Variants in PANK2 observed in about 807,000 individuals in gnomAD.
PANK2 encodes the protein pantothenate kinase 2, mitochondrial.
In PANK2, 36 loss-of-function variants were observed where a neutral mutation model predicts 43.1. The observed-to-expected ratio is 0.84, with a 90% CI of 0.64 to 1.10. PANK2 has a LOEUF of 1.10. PANK2 is among the 50% of genes least tolerant of loss of function. PANK2 has a pLI of 0.00. For synonymous variants in PANK2, 281 were observed against 238.2 expected, an observed-to-expected ratio of 1.18 and a Z score of -1.66; for missense variants, 576 against 593.3, an observed-to-expected ratio of 0.97 and a Z score of 0.30.
At chr20:3,908,615 A>C (rs2090424258) in intron 2 of PANK2, 1 of 256,684 alleles carries the variant, frequency 3.9e-6, no homozygotes. Context: ...AAATCATTTC[A>C]TGTCATAAAA....
At chr20:3,913,773 C>T (rs866141115) in intron 4 of PANK2, among the ~76,000 whole-genome samples, 11 of 102,870 alleles carry the variant, frequency 1.1e-4, no homozygotes, top group South Asian at 8.3e-4. Context: ...CACACACACA[C>T]ACATATATAT....
chr20:3,898,345 G>A (rs1430840988), intron 1 of PANK2, among the ~76,000 whole-genome samples: 1 of 151,950 alleles, frequency 6.6e-6, no homozygotes, highest in Non-Finnish European at 1.5e-5. Context: ...GATTACAGGC[G>A]CCCACCACCA....
At chr20:3,888,954 G>T, upstream of PANK2, 1 of 613,742 alleles carries the variant, frequency 1.6e-6, no homozygotes, top group Admixed American at 3.1e-5. Context: ...GCGGCCAGAC[G>T]CTGCGGGAGC....
chr20:3,898,799 T>A (rs1373619486), intron 1 of PANK2, among the ~76,000 whole-genome samples: 1 of 152,002 alleles, frequency 6.6e-6, no homozygotes, highest in Non-Finnish European at 1.5e-5. Context: ...TTTTTGTGAG[T>A]GCTTTATGGG....
Position 3,917,365 on chromosome 20 carries a change from A to G in PANK2, c.1206+315A>G, listed in dbSNP as rs2090578489. On this transcript the variant is annotated intron_variant, in intron 5 of 6. Coordinates refer to ENST00000610179, the MANE Select transcript of PANK2 (RefSeq NM_001386393.1). ...TGATGGATAACGATGCTGAATGTAG[A>G]CTCCACACTCACTGCTGAGCTCTAG... 6.0e-6 allele frequency: 3 copies of G among 499,188 alleles called. No individual in the cohort carries two copies. In the Admixed American group the frequency reaches 6.5e-5, roughly 11 times the overall value. 30.9% of individuals were successfully genotyped at this position (499,188 alleles called of 1,614,324 possible).
rs1168477276 is a variant in PANK2, at chr20:3,908,011, A to G, written c.384A>G (p.Glu128=). Residue 128 remains glutamate (E), a synonymous_variant, in exon 2 of 7, where the codon GAA becomes GAG. Transcript: ENST00000610179. ...CCAAAGACATCACTGCTGAAGAAGA[A>G]GAGGAAGAAGTGGAAAGTCTTAAAA... 2.5e-5 allele frequency: 41 copies of G among 1,614,058 alleles called. No homozygotes were observed. The highest frequency in any genetic ancestry group is 3.3e-4 in the Middle Eastern group (2 of 6,084).
At chr20:3,904,966 G>A (rs931115347) in intron 1 of PANK2, among the ~76,000 whole-genome samples, 1 of 152,122 alleles carries the variant, frequency 6.6e-6, no homozygotes, top group Non-Finnish European at 1.5e-5. Context: ...TGAGATACGT[G>A]GCAAAATATG....
At chr20:3,919,161 C>T (rs2090609450) in intron 6 of PANK2, among the ~76,000 whole-genome samples, 2 of 152,210 alleles carry the variant, frequency 1.3e-5, no homozygotes, top group African/African-American at 2.4e-5. Context: ...ATCTGCCAGC[C>T]TCAGCCTCCC....
At chr20:3,914,106 TTCTATTGGGTATATACC>T in intron 4 of PANK2, among the ~76,000 whole-genome samples, 1 of 151,204 alleles carries the variant, frequency 6.6e-6, no homozygotes, top group Admixed American at 6.6e-5. Flanking sequence ...ATATTTCTAA[TTCTATTGGGTATATACC>T]TGAGAGTAGA....
At chr20:3,910,129 G>A (rs182072692) in intron 2 of PANK2, among the ~76,000 whole-genome samples, 8 of 152,208 alleles carry the variant, frequency 5.3e-5, no homozygotes, top group Admixed American at 5.2e-4. Context: ...GGCCTCTTTT[G>A]ATACTGCTCC....
chr20:3,903,517 A>AGT (rs2090339148), intron 1 of PANK2, among the ~76,000 whole-genome samples: 1 of 121,698 alleles, frequency 8.2e-6, no homozygotes, highest in African/African-American at 3.3e-5. Context: ...CCCAGGCTGG[A>AGT]GTGCAATGGC....
Position 3,889,933 on chromosome 20 carries a change from G to A in PANK2, c.298+205G>A, listed in dbSNP as rs1379669858. On this transcript the variant is annotated intron_variant, in intron 1 of 6. Coordinates refer to ENST00000610179, the MANE Select transcript of PANK2 (RefSeq NM_001386393.1). ...TTCGGGGGCCCCCCCGCACCCATTG[G>A]TATGCACTTCCCGCTTGTTGGAGTG... The A allele has an allele frequency of 2.0e-6, 3 of 1,530,788 alleles. No homozygotes were observed. The African/African-American group carries it at 4.1e-5, about 21-fold the overall frequency. 94.8% of individuals were successfully genotyped at this position (1,530,788 alleles called of 1,614,324 possible). A position where few individuals can be genotyped will look rare whatever the true frequency, so the allele number is the denominator to read the frequency against.
At chr20:3,896,793 G>A (rs545679420) in intron 1 of PANK2, among the ~76,000 whole-genome samples, 1 of 152,198 alleles carries the variant, frequency 6.6e-6, no homozygotes, top group Admixed American at 6.5e-5. Context: ...CCCCTATACT[G>A]TGTACTATGC....
chr20:3,889,956 G>A (rs1279718894), intron 1 of PANK2: 3 of 1,520,592 alleles, frequency 2.0e-6, no homozygotes, highest in Non-Finnish European at 2.6e-6. Flanking sequence ...GCTTGTTGGA[G>A]TGGAGGGCTT....
chr20:3,916,189 T>C (rs569135986), intron 4 of PANK2, among the ~76,000 whole-genome samples: 190 of 152,362 alleles, frequency 1.2e-3, no homozygotes, highest in Non-Finnish European at 2.1e-3. Context: ...CGTAAGTGTT[T>C]TATTCTCTAA....
chr20:3,895,353 T>A (rs907886007), intron 1 of PANK2, among the ~76,000 whole-genome samples: 3 of 151,920 alleles, frequency 2.0e-5, no homozygotes, highest in African/African-American at 7.3e-5. Flanking sequence ...TAGTCCCAGC[T>A]ACTTGGGAGG....
intron 1 of PANK2, among the ~76,000 whole-genome samples, chr20:3,892,587 A>G (rs1195622175): frequency 6.8e-6 from 1 of 147,120 alleles, no homozygotes; most frequent in Non-Finnish European, 1.5e-5. Context: ...TGAGGCAGAT[A>G]ATTGCTTGAA....
intron 3 of PANK2, among the ~76,000 whole-genome samples, 200 bp from the exon 4 acceptor site, chr20:3,912,258 C>T (rs1249248316): frequency 6.6e-6 from 1 of 152,142 alleles, no homozygotes; most frequent in African/African-American, 2.4e-5. Flanking sequence ...GTGTTTTGTA[C>T]TTTGCATGTT....
In PANK2 at chr20:3,917,015, A is replaced by G. The variant is rs764988741; in HGVS notation, c.1171A>G (p.Ile391Val). The G allele has an allele frequency of 1.2e-6, 2 of 1,614,086 alleles. No individual in the cohort carries two copies. The highest frequency in any genetic ancestry group is 1.7e-6 in the Non-Finnish European group (2 of 1,179,992). Residue 391 changes from isoleucine (I) to valine (V), a missense_variant, in exon 5 of 7, where the codon ATT becomes GTT. Transcript: ENST00000610179. ...GACTTTGATCACCATCACCAACAACATTGGCTCAATAGCAAGAATGTGTGC... is the reference window on the plus strand; with the variant it reads ...GACTTTGATCACCATCACCAACAACGTTGGCTCAATAGCAAGAATGTGTGC...
Sources: gnomAD v4.1 joint callset for allele counts (sites outside exome capture counted in the v4.1 genomes callset) on GRCh38, gnomAD v4.1.1 for gene constraint, MANE v1.5 for transcripts, NCBI Gene and HGNC (gene_info 2026-07-23, HGNC 2026-07-21) for gene names.